MFAP4: variants seen among roughly 807,000 people sequenced by gnomAD.
The protein encoded by MFAP4 is microfibril associated protein 4.
MFAP4 carries 20 observed loss-of-function variants against 32.4 expected under a neutral mutation model. That is an observed-to-expected ratio of 0.62 (90% CI 0.43 to 0.90). The LOEUF is 0.90. Among genes scored for constraint, MFAP4 ranks in the 40% least tolerant of loss-of-function variants. The pLI is 0.00. For synonymous variants in MFAP4, 146 were observed against 137.4 expected (o/e 1.06, Z -0.44); for missense variants, 267 against 329.5 (o/e 0.81, Z 1.47).
chr17:19,384,385 A>G lies in MFAP4; in HGVS notation c.*77T>C. 6 of 1,486,500 alleles carry G rather than the reference A, an allele frequency of 4.0e-6. No individual in the cohort carries two copies. Among genetic ancestry groups the G allele is most frequent in the Non-Finnish European group, 5.4e-6 (6 of 1,104,036 alleles). 92.1% of individuals were successfully genotyped at this position (1,486,500 alleles called of 1,614,324 possible). On this transcript the variant is annotated 3_prime_UTR_variant, in exon 6 of 6. Coordinates refer to ENST00000299610, the MANE Select transcript of MFAP4 (RefSeq NM_002404.3). ...TGCTCGGGAATCAGCAGAAGCATGC[A>G]TCAGGGGCAGCAGAGGGAGCACTCA...
rs368960888 is a variant in MFAP4, at chr17:19,386,332, G to C, written c.218C>G (p.Thr73Ser). The change falls in exon 3 of 6, where the codon ACC (threonine) becomes AGC (serine). Residue 73 changes from threonine to serine, a missense_variant. Physicochemically the swap from Thr to Ser is moderately conservative, Grantham distance 58. Coordinates refer to ENST00000299610, the MANE Select transcript of MFAP4 (RefSeq NM_002404.3). Reference protein sequence around the residue: ...SVPVPVFCDMTTEGGKWTVFQ... With the variant: ...SVPVPVFCDMSTEGGKWTVFQ... ...CACCGTCCACTTCCCGCCCTCGGTG[G>C]TCATGTCACAGAAGACGGGCACAGG... The C allele has an allele frequency of 6.2e-7, 1 of 1,610,086 alleles. No homozygotes were observed. The highest frequency in any genetic ancestry group is 1.7e-5 in the Admixed American group (1 of 59,406).
rs767318197 is a variant in MFAP4 at position 19,385,186 on chromosome 17, C to T, written c.433G>A (p.Ala145Thr). 1.9e-5 allele frequency: 31 copies of T among 1,614,166 alleles called. No individual in the cohort carries two copies. The highest frequency in any genetic ancestry group is 1.6e-4 in the Middle Eastern group (1 of 6,084). The change falls in exon 5 of 6, where the codon GCT becomes ACT. Residue 145 changes from alanine to threonine, a missense_variant. Transcript: ENST00000299610. Reference protein sequence around the residue: ...FENNTAYAKYADFSISPNAVS... With the variant: ...FENNTAYAKYTDFSISPNAVS... Reference sequence around the variant, plus strand: ...GCGTTCGGGGAGATGGAGAAGTCAGCGTACTTGGCATAGGCCGTGTTGTTC... The same window carrying T: ...GCGTTCGGGGAGATGGAGAAGTCAGTGTACTTGGCATAGGCCGTGTTGTTC...
intron 2 of MFAP4, 76 bp from the exon 3 acceptor site, chr17:19,386,540 C>T: frequency 6.6e-7 from 1 of 1,516,968 alleles, no homozygotes; most frequent in East Asian, 2.3e-5. Context: ...CCAAGGTTTG[C>T]CTCAGTCCCT....
At position 19,385,461 on chromosome 17, in the gene MFAP4, C is replaced by A. The variant is rs1417865438; in HGVS notation, c.241-7G>T. 1 of 1,613,812 alleles carries A rather than the reference C, an allele frequency of 6.2e-7. No homozygotes were observed. Among genetic ancestry groups the A allele is most frequent in the Non-Finnish European group, 8.5e-7 (1 of 1,179,834 alleles). Reference sequence around the variant, plus strand: ...TGAATCTCTTCTGGAAAACCTGGAGCAGAGAAGATGAGACTGGATCATCAA... The same window carrying A: ...TGAATCTCTTCTGGAAAACCTGGAGAAGAGAAGATGAGACTGGATCATCAA... On this transcript the variant is annotated splice_polypyrimidine_tract_variant and splice_region_variant and intron_variant, in intron 3 of 5. Coordinates refer to ENST00000299610, the MANE Select transcript of MFAP4 (RefSeq NM_002404.3).
intron 5 of MFAP4, 96 bp downstream of exon 5, chr17:19,385,003 A>C: frequency 1.4e-6 from 2 of 1,437,166 alleles, no homozygotes; most frequent in Non-Finnish European, 1.9e-6. Flanking sequence ...AGAAGGGTTG[A>C]AGGAGGGGCC....
Position 19,384,583 on chromosome 17 carries a change from T to G in MFAP4, c.647A>C (p.Asn216Thr). ...AFWFRSCHFANLNGFYLGGSH... is the reference protein window; with the variant it reads ...AFWFRSCHFATLNGFYLGGSH... ...GCCACCTAGGTAGAAGCCATTGAGGTTGGCAAAGTGGCAGCTGCGGAACCA... is the reference window on the plus strand; with the variant it reads ...GCCACCTAGGTAGAAGCCATTGAGGGTGGCAAAGTGGCAGCTGCGGAACCA... Residue 216 changes from asparagine (N) to threonine (T), a missense_variant, in exon 6 of 6, where the codon AAC (asparagine) becomes ACC (threonine). By Grantham distance (65) the Asn-to-Thr change is moderately conservative (BLOSUM62 0). Transcript: ENST00000299610. 1 of 1,613,992 alleles carries G rather than the reference T, an allele frequency of 6.2e-7. No individual in the cohort carries two copies. Among genetic ancestry groups the G allele is most frequent in the Non-Finnish European group, 8.5e-7 (1 of 1,179,968 alleles).
At chr17:19,385,519 G>C in intron 3 of MFAP4, 65 bp from the exon 4 acceptor site, 1 of 1,359,064 alleles carries the variant, frequency 7.4e-7, no homozygotes, top group Non-Finnish European at 1.0e-6. Context: ...GTCCTGCCCT[G>C]CCCACCTCAA....
rs756296714 is a variant in MFAP4 at position 19,386,819 on chromosome 17, A to AGCG, written c.23_25dup (p.Pro8dup). On this transcript the variant is annotated inframe_insertion, in exon 2 of 6. Transcript: ENST00000299610. ...CGGGGGCGTGGAGAGAAGCAGCAGCAGCGGCAGGGCCAGGAGTGCCTGGCG... is the reference window on the plus strand; with the variant it reads ...CGGGGGCGTGGAGAGAAGCAGCAGCAGCGGCGGCAGGGCCAGGAGTGCCTGGCG... 3.3e-5 allele frequency: 52 copies of AGCG among 1,567,968 alleles called. No homozygotes were observed. Among genetic ancestry groups the AGCG allele is most frequent in the Non-Finnish European group, 4.1e-5 (48 of 1,156,680 alleles).
In MFAP4 at chr17:19,387,187, C is replaced by T; in HGVS notation, c.-32G>A. 6.6e-7 allele frequency: 1 copy of T among 1,508,988 alleles called. No homozygotes were observed. Among genetic ancestry groups the T allele is most frequent in the Non-Finnish European group, 9.2e-7 (1 of 1,086,584 alleles). The allele number at this position is 1,508,988 out of a possible 1,614,324, so 93.5% of individuals were successfully genotyped here. On this transcript the variant is annotated 5_prime_UTR_variant, in exon 1 of 6. Transcript: ENST00000299610. The stretch of plus-strand genomic sequence containing the variant: ...AGTTCTGCTCAGAGTGGCTGGGTGT[C>T]TGCGGCCCCAGACTGCAACCGCCCA...
At position 19,386,371 on chromosome 17, in the gene MFAP4, G is replaced by A. The variant is rs367629703; in HGVS notation, c.179C>T (p.Ser60Leu). The A allele has an allele frequency of 1.4e-5, 22 of 1,613,778 alleles. No homozygotes were observed. Among genetic ancestry groups the A allele is most frequent in the African/African-American group, 2.7e-5 (2 of 74,902 alleles). Residue 60 changes from serine (S) to leucine (L), a missense_variant, in exon 3 of 6, where the codon TCG becomes TTG. Transcript: ENST00000299610. ...GACGGGCACAGGCACACTGGGGCCC[G>A]AGGGGTAGATGAGGTACACGCCGTC... ...QSDGVYLIYPSGPSVPVPVFC... is the reference protein window; with the variant it reads ...QSDGVYLIYPLGPSVPVPVFC...
intron 5 of MFAP4, 84 bp downstream of exon 5, chr17:19,385,015 G>T: frequency 6.7e-7 from 1 of 1,487,644 alleles, no homozygotes; most frequent in Non-Finnish European, 9.1e-7. Flanking sequence ...GGAGGGGCCT[G>T]AAGGAGGTTG....
rs1339187878 is a variant in MFAP4 at position 19,386,385 on chromosome 17, G to A, written c.165C>T (p.Tyr55=). 5 of 1,613,984 alleles carry A rather than the reference G, an allele frequency of 3.1e-6. No individual in the cohort carries two copies. The Admixed American group carries it at 6.7e-5, about 22-fold the overall frequency. ...CACTGGGGCCCGAGGGGTAGATGAG[G>A]TACACGCCGTCTGACTGGTAGCCCT... ...YAQGYQSDGV[Y]LIYPSGPSVP... is the part of the protein sequence containing the mutation. Residue 55 remains tyrosine, a synonymous_variant, in exon 3 of 6, where the codon TAC becomes TAT. Coordinates refer to ENST00000299610, the MANE Select transcript of MFAP4 (RefSeq NM_002404.3).
At chr17:19,386,989 C>CCCCCCCCCCA in intron 1 of MFAP4, 151 bp from the exon 2 acceptor site, 1 of 1,042,234 alleles carries the variant, frequency 9.6e-7, no homozygotes. Context: ...CCCCCCACCC[C>CCCCCCCCCCA]GCCCGCCAAG....
At chr17:19,384,760 G>A (rs555542434) in intron 5 of MFAP4, 51 bp from the exon 6 acceptor site, 11 of 1,606,410 alleles carry the variant, frequency 6.8e-6, no homozygotes, top group African/African-American at 4.0e-5. Flanking sequence ...ACTGAGCCCC[G>A]AGCTGGCCGG....
Position 19,385,242 on chromosome 17 carries a change from T to C in MFAP4, c.377A>G (p.Tyr126Cys). 6.2e-7 allele frequency: 1 copy of C among 1,614,256 alleles called. No individual in the cohort carries two copies. Among genetic ancestry groups the C allele is most frequent in the Non-Finnish European group, 8.5e-7 (1 of 1,180,030 alleles). Residue 126 changes from tyrosine (Y) to cysteine (C), a missense_variant, in exon 5 of 6, where the codon TAT becomes TGT. Tyr to Cys is a radical substitution (Grantham distance 194). Coordinates refer to ENST00000299610, the MANE Select transcript of MFAP4 (RefSeq NM_002404.3). Reference sequence around the variant, plus strand: ...GTCCTCCAAGTCCACTCGCAGCTCATACTTCTGCTTCAGTGTCAGGAGGTG... The same window carrying C: ...GTCCTCCAAGTCCACTCGCAGCTCACACTTCTGCTTCAGTGTCAGGAGGTG... Reference protein sequence around the residue: ...NMHLLTLKQKYELRVDLEDFE... With the variant: ...NMHLLTLKQKCELRVDLEDFE...
At chr17:19,386,977 G>GGCCCCC in intron 1 of MFAP4, 139 bp from the exon 2 acceptor site, 4 of 689,458 alleles carry the variant, frequency 5.8e-6, no homozygotes, top group African/African-American at 2.4e-5. Context: ...CCTCTTCCCT[G>GGCCCCC]CCCCCCCACC....
At chr17:19,385,575 T>TGGGGGGGGGGTG in intron 3 of MFAP4, 121 bp from the exon 4 acceptor site, 2 of 467,222 alleles carry the variant, frequency 4.3e-6, no homozygotes, top group Non-Finnish European at 4.1e-6. Flanking sequence ...AGGACTGGGT[T>TGGGGGGGGGGTG]GGGGGTGGGG....
chr17:19,385,070 C>A, intron 5 of MFAP4, 29 bp downstream of exon 5: 3 of 1,601,654 alleles, frequency 1.9e-6, no homozygotes, highest in Non-Finnish European at 2.6e-6. Context: ...CCCCTCACAG[C>A]CCCTCCCAAA....
At chr17:19,387,007 A>ACCCCCCCCCCCCCCCCC in intron 1 of MFAP4, 143 bp downstream of exon 1, 1 of 250,334 alleles carries the variant, frequency 4.0e-6, no homozygotes. Context: ...AAGTAACCCC[A>ACCCCCCCCCCCCCCCCC]CTCTCTGGGA....
Sources: gnomAD v4.1 joint callset for allele counts on GRCh38, gnomAD v4.1.1 for gene constraint, MANE v1.5 for transcripts, NCBI Gene and HGNC (gene_info 2026-07-23, HGNC 2026-07-21) for gene names.